The following NINL variants were observed in gnomAD, a reference collection of about 807,000 sequenced individuals.
NINL encodes the protein ninein-like protein.
NINL carries 153 observed loss-of-function variants against 160.3 expected under a neutral mutation model. The observed-to-expected ratio is 0.95, with a 90% CI of 0.84 to 1.09. NINL has a LOEUF of 1.09. Among genes scored for constraint, NINL ranks in the 50% least tolerant of loss-of-function variants. NINL has a pLI of 0.00. For missense variants in NINL, 1,829 were observed against 1,764.0 expected, an observed-to-expected ratio of 1.04 and a Z score of -0.66; for synonymous variants, 800 against 734.8, an observed-to-expected ratio of 1.09 and a Z score of -1.43.
intron 1 of NINL, among the ~76,000 whole-genome samples, chr20:25,529,411 G>A (rs970209310): frequency 2.6e-5 from 4 of 152,172 alleles, no homozygotes; most frequent in Non-Finnish European, 4.4e-5. Flanking sequence ...TGAACAAACC[G>A]GTTCATAGTC....
chr20:25,490,062 T>A, intron 11 of NINL, 77 bp from the exon 12 acceptor site: 1 of 1,275,716 alleles, frequency 7.8e-7, no homozygotes, highest in Non-Finnish European at 1.1e-6. Context: ...GTGAGAGGCT[T>A]GCTTCTCATA....
intron 8 of NINL, among the ~76,000 whole-genome samples, chr20:25,499,905 C>T (rs186120710): frequency 2.9e-4 from 37 of 129,684 alleles, no homozygotes; most frequent in African/African-American, 1.1e-3. Flanking sequence ...AGCGAAGGGT[C>T]GCACAAATTA....
intron 21 of NINL, among the ~76,000 whole-genome samples, chr20:25,461,104 C>T (rs920795327): frequency 3.9e-5 from 6 of 152,184 alleles, no homozygotes; most frequent in Admixed American, 6.5e-5. Flanking sequence ...CTCTCACCTG[C>T]GGGGCCAGCA....
At chr20:25,569,701 G>A (rs1430311471) in intron 1 of NINL, among the ~76,000 whole-genome samples, 1 of 152,226 alleles carries the variant, frequency 6.6e-6, no homozygotes, top group Non-Finnish European at 1.5e-5. Flanking sequence ...CTCAGAGGCA[G>A]AAGGCATGGC....
At chr20:25,545,836 T>C (rs1163887967) in intron 1 of NINL, among the ~76,000 whole-genome samples, 2 of 152,200 alleles carry the variant, frequency 1.3e-5, no homozygotes, top group Non-Finnish European at 2.9e-5. Flanking sequence ...TCCTTCCTTT[T>C]CCAGGCCTTC....
chr20:25,491,416 A>C lies in NINL; in HGVS notation c.1420T>G (p.Trp474Gly), dbSNP rs971462541. The C allele has an allele frequency of 4.3e-6, 7 of 1,612,818 alleles. No individual in the cohort carries two copies. The Admixed American group carries it at 5.0e-5, about 12-fold the overall frequency. The change falls in exon 11 of 24, where the codon TGG becomes GGG. Residue 474 changes from tryptophan to glycine, a missense_variant. Coordinates refer to ENST00000278886, the MANE Select transcript of NINL (RefSeq NM_025176.6). The part of the protein sequence containing the change: ...QAHRQRAALE[W>G]DVGRLQAEEA... ...TCAGCCTGCAGGCGCCCCACGTCCCACTCCAGCGCGGCCCTCTGCCTGTGG... is the reference window on the plus strand; with the variant it reads ...TCAGCCTGCAGGCGCCCCACGTCCCCCTCCAGCGCGGCCCTCTGCCTGTGG...
At chr20:25,571,011 G>A (rs10446045) in intron 1 of NINL, among the ~76,000 whole-genome samples, 1 of 152,002 alleles carries the variant, frequency 6.6e-6, no homozygotes, top group Non-Finnish European at 1.5e-5. Context: ...TGGGCAAGTA[G>A]ATGTTATTAT....
intron 17 of NINL, among the ~76,000 whole-genome samples, chr20:25,472,324 GATATATATATAT>G (rs56260321): frequency 0.18 from 15,309 of 83,878 alleles, 1,500 homozygotes; most frequent in East Asian, 0.32. Context: ...GGGAGGAGAG[GATATATATATAT>G]ATATATATAT....
At chr20:25,528,288 C>A (rs749061864) in intron 1 of NINL, among the ~76,000 whole-genome samples, 1 of 152,172 alleles carries the variant, frequency 6.6e-6, no homozygotes, top group African/African-American at 2.4e-5. Flanking sequence ...CCTGCTGCGG[C>A]CTCCCAAAGT....
At chr20:25,537,658 C>T (rs529799433) in intron 1 of NINL, among the ~76,000 whole-genome samples, 5 of 152,166 alleles carry the variant, frequency 3.3e-5, no homozygotes, top group African/African-American at 7.2e-5. Flanking sequence ...CTGTGGGTGA[C>T]GGGGATGCGT....
chr20:25,555,312 C>T (rs1292514615), intron 1 of NINL, among the ~76,000 whole-genome samples: 7 of 152,154 alleles, frequency 4.6e-5, no homozygotes, highest in African/African-American at 1.7e-4. Context: ...GCCACACACA[C>T]CTGCCGAGGC....
chr20:25,458,094 C>A lies in NINL; in HGVS notation c.3843+289G>T, dbSNP rs537601398. ...CTGGTCCCTGTTCCCCTGGAACATG[C>A]CAAATACCCCCTACCCCAGGGCCTC... is the stretch of plus-strand genomic sequence containing the variant. On this transcript the variant is annotated intron_variant, in intron 22 of 23. Transcript: ENST00000278886. Among the ~76,000 whole-genome samples the A allele has an allele frequency of 5.3e-5, 8 of 152,306 alleles. No individual in the cohort carries two copies. In the East Asian group the frequency reaches 1.4e-3, roughly 26 times the overall value.
chr20:25,583,789 T>G lies in NINL; in HGVS notation c.-12+1666A>C, dbSNP rs376555726. ...TACAGATACACCATGGAATACTACG[T>G]AGCCATAAAAAAGAATGAGTTCATG... On this transcript the variant is annotated intron_variant, in intron 1 of 23. Coordinates refer to ENST00000278886, the MANE Select transcript of NINL (RefSeq NM_025176.6). Among the ~76,000 whole-genome samples, 47 of 152,272 alleles carry G rather than the reference T, an allele frequency of 3.1e-4. No individual in the cohort carries two copies. The South Asian group carries it at 7.3e-3, about 24-fold the overall frequency.
intron 1 of NINL, among the ~76,000 whole-genome samples, chr20:25,536,046 C>T (rs902539236): frequency 5.9e-5 from 9 of 152,224 alleles, no homozygotes; most frequent in African/African-American, 1.7e-4. Context: ...AGCAGCCCCA[C>T]ATCACAGCAA....
intron 17 of NINL, among the ~76,000 whole-genome samples, chr20:25,473,821 T>C (rs1040549614): frequency 2.6e-5 from 4 of 151,956 alleles, no homozygotes; most frequent in Non-Finnish European, 5.9e-5. Context: ...TGAGCTGAGG[T>C]TGTACCACTG....
At chr20:25,530,941 C>T (rs758222538) in intron 1 of NINL, among the ~76,000 whole-genome samples, 16 of 152,014 alleles carry the variant, frequency 1.1e-4, no homozygotes, top group East Asian at 7.7e-4. Context: ...ACCGGTCTGA[C>T]GAAAATTTTA....
chr20:25,489,467 CCTT>C, intron 12 of NINL, 143 bp from the exon 13 acceptor site: 2 of 691,202 alleles, frequency 2.9e-6, no homozygotes, highest in Non-Finnish European at 5.1e-6. Context: ...CATCCCCCCT[CCTT>C]CTCCTTACTC....
chr20:25,472,324 GATATATATATATATATAT>G (rs56260321), intron 17 of NINL, among the ~76,000 whole-genome samples: 3,263 of 83,978 alleles, frequency 0.039, 223 homozygotes, highest in African/African-American at 0.13. Flanking sequence ...GGGAGGAGAG[GATATATATATATATATAT>G]ATATATATAT....
intron 15 of NINL, 128 bp from the exon 16 acceptor site, chr20:25,479,334 C>T: frequency 1.6e-6 from 2 of 1,221,372 alleles, no homozygotes; most frequent in Non-Finnish European, 2.3e-6. Flanking sequence ...TGCCGAGGTG[C>T]CAGGGTGTGC....
Sources: allele counts gnomAD v4.1 joint callset (sites outside exome capture counted in the v4.1 genomes callset), GRCh38; gene constraint gnomAD v4.1.1; transcripts MANE v1.5; gene names NCBI Gene and HGNC (gene_info 2026-07-23, HGNC 2026-07-21).